The following CHD6 variants were observed in gnomAD, a reference collection of about 807,000 sequenced individuals.
The protein encoded by CHD6 is chromodomain helicase DNA binding protein 6, also known as ATP-dependent chromatin remodeler CHD6.
Under a neutral mutation model 276.9 loss-of-function variants are expected in CHD6, and 50 were observed. The ratio of observed to expected loss-of-function variants is 0.18; its 90% CI spans 0.14 to 0.23. CHD6 has a LOEUF of 0.23. Among genes scored for constraint, CHD6 ranks in the 10% least tolerant of loss-of-function variants. The pLI is 1.00. For synonymous variants in CHD6, 1,173 were observed against 1,229.3 expected, an observed-to-expected ratio of 0.95 and a Z score of 0.96; for missense variants, 2,564 against 3,365.8, an observed-to-expected ratio of 0.76 and a Z score of 5.89.
Position 41,520,189 on chromosome 20 carries a change from G to C in CHD6, c.555-5237C>G, listed in dbSNP as rs942162905. 3.8e-3 allele frequency among the ~76,000 whole-genome samples: 583 copies of C among 152,308 alleles called. 2 individuals are homozygous for C. Among genetic ancestry groups the C allele is most frequent in the Admixed American group, 9.7e-3 (148 of 15,304 alleles). ...GGAAACAACAGGTGCTGGAGAGGATGTGGAGAAATAGGAACACTTTTACAC... is the reference window on the plus strand; with the variant it reads ...GGAAACAACAGGTGCTGGAGAGGATCTGGAGAAATAGGAACACTTTTACAC... On this transcript the variant is annotated intron_variant, in intron 3 of 36. Transcript: ENST00000373233.
intron 15 of CHD6, 23 bp downstream of exon 15, chr20:41,484,327 TTA>T (rs1260744493): frequency 2.5e-6 from 4 of 1,612,682 alleles, no homozygotes; most frequent in Non-Finnish European, 3.4e-6. Flanking sequence ...CAGTCCTGAG[TTA>T]CTTCCTAGTG....
intron 5 of CHD6, among the ~76,000 whole-genome samples, chr20:41,504,601 G>T (rs1003448190): frequency 6.6e-6 from 1 of 151,498 alleles, no homozygotes; most frequent in Admixed American, 6.6e-5. Context: ...GTAGAGAAGG[G>T]GTTTTGCCAT....
rs528514524 is a variant in CHD6, at chr20:41,545,154, A to G, written c.33+6151T>C. Among the ~76,000 whole-genome samples the G allele has an allele frequency of 2.9e-3, 440 of 152,288 alleles. 3 individuals are homozygous for G. The highest frequency in any genetic ancestry group is 4.6e-3 in the Non-Finnish European group (316 of 68,020). On this transcript the variant is annotated intron_variant, in intron 2 of 36. Coordinates refer to ENST00000373233, the MANE Select transcript of CHD6 (RefSeq NM_032221.5). ...CCCCACGTGTCCCATTCTCTTCCAC[A>G]GGTCCAGCAATAGACACATTTAACT...
At chr20:41,428,459 G>C (rs747289167) in intron 27 of CHD6, among the ~76,000 whole-genome samples, 1 of 152,160 alleles carries the variant, frequency 6.6e-6, no homozygotes, top group Non-Finnish European at 1.5e-5. Flanking sequence ...CATCTTCAAA[G>C]AGGTATGAAT....
At chr20:41,454,501 C>G (rs564342848) in intron 20 of CHD6, 125 bp downstream of exon 20, 386 of 670,920 alleles carry the variant, frequency 5.8e-4, no homozygotes, top group Middle Eastern at 5.1e-3. Context: ...ATATTTTAAG[C>G]ATGGTACAAA....
chr20:41,590,486 G>T (rs1270257033), intron 1 of CHD6, among the ~76,000 whole-genome samples: 11 of 152,216 alleles, frequency 7.2e-5, no homozygotes. Flanking sequence ...CTAATATCCA[G>T]AATCTACAAA....
At chr20:41,574,747 A>G (rs534230587) in intron 1 of CHD6, among the ~76,000 whole-genome samples, 22 of 152,216 alleles carry the variant, frequency 1.4e-4, no homozygotes, top group Non-Finnish European at 2.4e-4. Flanking sequence ...CCCTTAAGAA[A>G]TAACTTCAAA....
intron 5 of CHD6, among the ~76,000 whole-genome samples, chr20:41,499,751 G>A (rs990469726): frequency 1.3e-5 from 2 of 152,082 alleles, no homozygotes; most frequent in African/African-American, 4.8e-5. Flanking sequence ...ATTGACTTTA[G>A]GCAAGTCAAT....
intron 1 of CHD6, among the ~76,000 whole-genome samples, chr20:41,588,726 C>A (rs1404781016): frequency 6.6e-6 from 1 of 152,130 alleles, no homozygotes; most frequent in South Asian, 2.1e-4. Flanking sequence ...ACAGAGAGAG[C>A]AAGAAAATTT....
chr20:41,520,084 T>C (rs1197688681), intron 3 of CHD6, among the ~76,000 whole-genome samples: 1 of 152,212 alleles, frequency 6.6e-6, no homozygotes, highest in African/African-American at 2.4e-5. Flanking sequence ...TCATCATCAC[T>C]GGCCATGAGA....
chr20:41,470,913 C>T (rs983529165), intron 17 of CHD6, among the ~76,000 whole-genome samples: 3 of 152,278 alleles, frequency 2.0e-5, no homozygotes, highest in African/African-American at 7.2e-5. Flanking sequence ...CTGGATATCG[C>T]TTCAGGCATG....
At chr20:41,515,531 G>T (rs958735611) in intron 3 of CHD6, among the ~76,000 whole-genome samples, 1 of 152,124 alleles carries the variant, frequency 6.6e-6, no homozygotes, top group Non-Finnish European at 1.5e-5. Context: ...ACCCTGCAAG[G>T]CCCTGCTAAG....
chr20:41,608,337 C>T (rs891967358), intron 1 of CHD6, among the ~76,000 whole-genome samples: 17 of 152,062 alleles, frequency 1.1e-4, no homozygotes, highest in African/African-American at 3.6e-4. Context: ...TGTGCCAAAA[C>T]GTTTCTAGTA....
intron 1 of CHD6, among the ~76,000 whole-genome samples, chr20:41,585,321 T>C (rs546246790): frequency 6.6e-6 from 1 of 151,866 alleles, no homozygotes; most frequent in South Asian, 2.1e-4. Flanking sequence ...CTGACCAACA[T>C]GGAGAAACCG....
intron 17 of CHD6, among the ~76,000 whole-genome samples, chr20:41,462,446 C>G (rs961292970): frequency 6.6e-6 from 1 of 152,194 alleles, no homozygotes; most frequent in Non-Finnish European, 1.5e-5. Context: ...GTTTTAAATA[C>G]ACACTTGAAA....
chr20:41,496,354 A>G (rs1251128190), intron 8 of CHD6, among the ~76,000 whole-genome samples: 1 of 152,162 alleles, frequency 6.6e-6, no homozygotes, highest in Admixed American at 6.5e-5. Context: ...GCTGATCCTG[A>G]CATTTATTCT....
chr20:41,413,350 A>T lies in CHD6; in HGVS notation c.7105T>A (p.Ser2369Thr), dbSNP rs200131970. The change falls in exon 35 of 37, where the codon TCC becomes ACC. Residue 2369 changes from serine (S) to threonine (T), a missense_variant. Physicochemically the swap from Ser to Thr is moderately conservative, Grantham distance 58. Around this residue, in one of 7 missense-constraint regions of CHD6, gnomAD observed 1,024 missense variants for 1,047.9 expected, o/e 0.98. Transcript: ENST00000373233. ...GCCCCAAAGCCAGGAACTTCTAAGGAGTAGTCAGCCTGCTGCCTTAGCCAG... is the reference window on the plus strand; with the variant it reads ...GCCCCAAAGCCAGGAACTTCTAAGGTGTAGTCAGCCTGCTGCCTTAGCCAG... ...LDWLRQQADY[S>T]LEVPGFGANF... 9.3e-6 allele frequency: 15 copies of T among 1,610,220 alleles called. No homozygotes were observed. The highest frequency in any genetic ancestry group is 4.5e-4 in the Middle Eastern group (2 of 4,454).
chr20:41,479,168 A>T (rs1325381630), intron 16 of CHD6, among the ~76,000 whole-genome samples: 1 of 152,184 alleles, frequency 6.6e-6, no homozygotes, highest in African/African-American at 2.4e-5. Flanking sequence ...TTTTAAAAAA[A>T]CAGAGCCCAT....
Position 41,421,622 on chromosome 20 carries a change from A to T in CHD6, c.5013T>A (p.His1671Gln). 2 of 1,614,008 alleles carry T rather than the reference A, an allele frequency of 1.2e-6. No individual in the cohort carries two copies. Among genetic ancestry groups the T allele is most frequent in the Non-Finnish European group, 1.7e-6 (2 of 1,179,962 alleles). The part of the protein sequence containing the change: ...NLVRVESRDD[H>Q]LSLPDVTCEN... Reference sequence around the variant, plus strand: ...CACATGTCACATCAGGCAGGCTGAGATGATCATCTCTGCTTTCTACTCTCA... The same window carrying T: ...CACATGTCACATCAGGCAGGCTGAGTTGATCATCTCTGCTTTCTACTCTCA... The change falls in exon 31 of 37, where the codon CAT (histidine) becomes CAA (glutamine). Residue 1671 changes from histidine to glutamine, a missense_variant. This residue lies in a region of CHD6 where 1,024 missense variants were observed against 1,047.9 expected (regional missense o/e 0.98). Coordinates refer to ENST00000373233, the MANE Select transcript of CHD6 (RefSeq NM_032221.5).
Sources: allele counts gnomAD v4.1 joint callset (sites outside exome capture counted in the v4.1 genomes callset), GRCh38; gene constraint gnomAD v4.1.1; regional missense constraint gnomAD v4.1.1; transcripts MANE v1.5; gene names NCBI Gene and HGNC (gene_info 2026-07-23, HGNC 2026-07-21).